The following MTIF2 variants were observed in gnomAD, a reference collection of about 807,000 sequenced individuals.
MTIF2 encodes translation initiation factor IF-2, mitochondrial.
In MTIF2, 71 loss-of-function variants were observed where a neutral mutation model predicts 83.5. The observed-to-expected ratio is 0.85, with a 90% CI of 0.70 to 1.04. The LOEUF (loss-of-function observed/expected upper bound fraction) is 1.04, where lower values mean the gene tolerates loss of function less well. Ranked by LOEUF, MTIF2 falls within the 50% of genes least tolerant of loss-of-function variation. MTIF2 has a pLI of 0.00. For synonymous variants in MTIF2, 319 were observed against 287.1 expected (o/e 1.11, Z -1.12); for missense variants, 957 against 846.5 (o/e 1.13, Z -1.62).
At chr2:55,251,110 CAAAAAAAAAAAAA>C (rs57949152) in intron 8 of MTIF2, among the ~76,000 whole-genome samples, 2 of 71,154 alleles carry the variant, frequency 2.8e-5, no homozygotes, top group African/African-American at 1.1e-4. Context: ...AACTCCGTCT[CAAAAAAAAAAAAA>C]AAAAAAAAAG....
intron 12 of MTIF2, 32 bp from the exon 13 acceptor site, chr2:55,243,112 T>G: frequency 1.9e-6 from 3 of 1,566,124 alleles, no homozygotes; most frequent in Non-Finnish European, 2.6e-6. Flanking sequence ...AATTGTTGCT[T>G]TTAAGAGTTA....
Position 55,236,763 on chromosome 2 carries a change from A to G in MTIF2, c.2069T>C (p.Met690Thr). ...TTCATCTAAACTGAGACCACAATCC[A>G]TTCCCGTTTTGACAATTGAAATGTC... is the stretch of plus-strand genomic sequence containing the variant. Reference protein sequence around the residue: ...KDDISIVKTGMDCGLSLDEDN... With the variant: ...KDDISIVKTGTDCGLSLDEDN... The change falls in exon 16 of 16, where the codon ATG becomes ACG. Residue 690 changes from methionine (M) to threonine (T), a missense_variant. Physicochemically the swap from Met to Thr is moderately conservative, Grantham distance 81. Around this residue, in one of 3 missense-constraint regions of MTIF2, gnomAD observed 221 missense variants for 180.6 expected, o/e 1.22. Transcript: ENST00000263629. The G allele has an allele frequency of 2.5e-6, 4 of 1,611,098 alleles. No individual in the cohort carries two copies. The highest frequency in any genetic ancestry group is 3.4e-6 in the Non-Finnish European group (4 of 1,179,208).
At chr2:55,262,519 C>G (rs1467754480) in intron 4 of MTIF2, 92 bp from the exon 5 acceptor site, 2 of 645,120 alleles carry the variant, frequency 3.1e-6, no homozygotes, top group Admixed American at 5.6e-5. Context: ...ACAATCATAG[C>G]TACATTTCTT....
At chr2:55,253,895 C>T (rs1455085037) in intron 7 of MTIF2, 146 bp downstream of exon 7, 3 of 821,072 alleles carry the variant, frequency 3.7e-6, no homozygotes, top group East Asian at 5.6e-5. Context: ...GCTTTACTAA[C>T]CACTTGCTCT....
rs745673712 is a variant in MTIF2, at chr2:55,243,674, T to C, written c.1312-6A>G. ...ACAACTTCACGTGCCCTTGGCTTTA[T>C]AGGGGAAAAACGTATTATTTAATGA... On this transcript the variant is annotated splice_polypyrimidine_tract_variant and splice_region_variant and intron_variant, in intron 11 of 15. Coordinates refer to ENST00000263629, the MANE Select transcript of MTIF2 (RefSeq NM_002453.3). 1.2e-6 allele frequency: 2 copies of C among 1,610,464 alleles called. No homozygotes were observed.
intron 10 of MTIF2, 75 bp downstream of exon 10, chr2:55,246,262 A>G: frequency 6.9e-7 from 1 of 1,445,340 alleles, no homozygotes; most frequent in Admixed American, 2.2e-5. Context: ...TGTAACAAAA[A>G]TAATACATTG....
chr2:55,265,353 C>G (rs962108116), intron 3 of MTIF2, among the ~76,000 whole-genome samples: 2 of 148,370 alleles, frequency 1.3e-5, no homozygotes, highest in Non-Finnish European at 3.0e-5. Context: ...GTTTAATAAG[C>G]CAGGTTCCAT....
At chr2:55,265,533 G>A (rs1369307625) in intron 3 of MTIF2, among the ~76,000 whole-genome samples, 3 of 151,446 alleles carry the variant, frequency 2.0e-5, no homozygotes, top group African/African-American at 7.3e-5. Flanking sequence ...TTTTTTGTTT[G>A]TCTGTTTGCT....
chr2:55,247,166 C>T (rs555763732), intron 9 of MTIF2, among the ~76,000 whole-genome samples: 6 of 152,168 alleles, frequency 3.9e-5, no homozygotes, highest in Non-Finnish European at 7.3e-5. Context: ...GATCACACAG[C>T]TGATTAACTG....
At chr2:55,260,679 C>G (rs1486164933) in intron 5 of MTIF2, among the ~76,000 whole-genome samples, 1 of 152,158 alleles carries the variant, frequency 6.6e-6, no homozygotes, top group Non-Finnish European at 1.5e-5. Context: ...ATTACTTATC[C>G]TCTCTAAACC....
chr2:55,257,871 C>T (rs1449641522), intron 5 of MTIF2, among the ~76,000 whole-genome samples: 1 of 152,330 alleles, frequency 6.6e-6, no homozygotes, highest in Middle Eastern at 3.4e-3. Context: ...TCTCAGCTCA[C>T]TGCAACCTCT....
chr2:55,247,278 CG>C (rs2104352510), intron 9 of MTIF2, among the ~76,000 whole-genome samples: 2 of 152,284 alleles, frequency 1.3e-5, no homozygotes, highest in African/African-American at 4.8e-5. Flanking sequence ...AGACAAGGGC[CG>C]GGCACGGTGG....
chr2:55,245,542 T>G lies in MTIF2; in HGVS notation c.1106+795A>C, dbSNP rs138650614. ...TCCGTCTCAAAAAGAAAGAAAGAAA[T>G]AAAGGAAAAGCAGAAAACAGAAAGG... On this transcript the variant is annotated intron_variant, in intron 10 of 15. Transcript: ENST00000263629. Among the ~76,000 whole-genome samples the G allele has an allele frequency of 5.1e-3, 769 of 151,448 alleles. 10 individuals carry two copies. The highest frequency in any genetic ancestry group is 0.018 in the African/African-American group (738 of 41,244).
Position 55,261,928 on chromosome 2 carries a change from C to CA in MTIF2, c.331+387dup, listed in dbSNP as rs1356217453. Among the ~76,000 whole-genome samples the CA allele has an allele frequency of 6.5e-3, 231 of 35,736 alleles. 2 individuals are homozygous for CA. The highest frequency in any genetic ancestry group is 0.017 in the African/African-American group (155 of 8,892). 23.4% of individuals were successfully genotyped at this position (35,736 alleles called of 152,430 possible). On this transcript the variant is annotated intron_variant, in intron 5 of 15. Transcript: ENST00000263629. ...TACTGGACAAAGCAAGACCCTGTCT[C>CA]AAAAAAAAAAACCAAAAAAAAAAAA...
chr2:55,249,490 C>G lies in MTIF2; in HGVS notation c.886G>C (p.Asp296His). ...AVNKCDKAEA[D>H]PEKVKKELLA... Reference sequence around the variant, plus strand: ...AGCTCTTTTTTCACTTTCTCAGGATCAGCCTCAGCTTTGTCACATTTATTT... The same window carrying G: ...AGCTCTTTTTTCACTTTCTCAGGATGAGCCTCAGCTTTGTCACATTTATTT... The change falls in exon 9 of 16, where the codon GAT (aspartate) becomes CAT (histidine). Residue 296 changes from aspartate (D) to histidine (H), a missense_variant. Coordinates refer to ENST00000263629, the MANE Select transcript of MTIF2 (RefSeq NM_002453.3). 1.2e-6 allele frequency: 2 copies of G among 1,614,104 alleles called. No individual in the cohort carries two copies. Among genetic ancestry groups the G allele is most frequent in the East Asian group, 4.5e-5 (2 of 44,886 alleles).
chr2:55,264,012 C>CT, intron 3 of MTIF2, 147 bp from the exon 4 acceptor site: 1 of 629,614 alleles, frequency 1.6e-6, no homozygotes, highest in East Asian at 2.7e-5. Flanking sequence ...CCTGAAAAAT[C>CT]TCAGTCTCAT....
intron 5 of MTIF2, among the ~76,000 whole-genome samples, chr2:55,260,171 G>C (rs1211686603): frequency 2.0e-5 from 3 of 152,046 alleles, no homozygotes; most frequent in Admixed American, 2.0e-4. Context: ...AGGCCGAGGT[G>C]GGCGGATCAC....
chr2:55,238,310 C>A (rs537757432), intron 14 of MTIF2, among the ~76,000 whole-genome samples: 1 of 152,124 alleles, frequency 6.6e-6, no homozygotes, highest in East Asian at 1.9e-4. Flanking sequence ...AGCCACTGCA[C>A]CTGACCTCAT....
At chr2:55,244,336 G>A (rs1371659550) in intron 10 of MTIF2, 103 bp from the exon 11 acceptor site, 1 of 860,900 alleles carries the variant, frequency 1.2e-6, no homozygotes, top group African/African-American at 1.7e-5. Flanking sequence ...GTATACACAA[G>A]ATTAATTCCA....
Sources: allele counts gnomAD v4.1 joint callset (sites outside exome capture counted in the v4.1 genomes callset), GRCh38; gene constraint gnomAD v4.1.1; regional missense constraint gnomAD v4.1.1; transcripts MANE v1.5; gene names NCBI Gene and HGNC (gene_info 2026-07-23, HGNC 2026-07-21).